MSI2: variants seen among roughly 807,000 people sequenced by gnomAD.
MSI2 encodes musashi RNA binding protein 2.
Under a neutral mutation model 45.6 loss-of-function variants are expected in MSI2, and 17 were observed. The observed-to-expected ratio is 0.37, with a 90% CI of 0.26 to 0.56. The LOEUF (loss-of-function observed/expected upper bound fraction) is 0.56, where lower values mean the gene tolerates loss of function less well. Ranked by LOEUF, MSI2 falls within the 20% of genes least tolerant of loss-of-function variation. MSI2 has a pLI of 0.77. For missense variants in MSI2, 293 were observed against 444.2 expected (o/e 0.66, Z 3.06); for synonymous variants, 156 against 158.2 (o/e 0.99, Z 0.11).
intron 5 of MSI2, among the ~76,000 whole-genome samples, chr17:57,385,423 G>T (rs1456121750): frequency 6.6e-6 from 1 of 152,108 alleles, no homozygotes; most frequent in Non-Finnish European, 1.5e-5. Context: ...CTTCTCTCTT[G>T]TCTTCCTGAA....
chr17:57,476,715 T>C lies in MSI2; in HGVS notation c.406-52961T>C, dbSNP rs1249847412. Among the ~76,000 whole-genome samples, 3 of 152,192 alleles carry C rather than the reference T, an allele frequency of 2.0e-5. No homozygotes were observed. In the East Asian group the frequency reaches 5.8e-4, roughly 29 times the overall value. ...TGGGCACCAAACTAAACACTTTGGA[T>C]ATATTACCTCATTTAACCCTTAAAA... On this transcript the variant is annotated intron_variant, in intron 6 of 13. Transcript: ENST00000284073.
chr17:57,647,253 A>ATC (rs1910730873), intron 10 of MSI2, among the ~76,000 whole-genome samples: 2 of 143,110 alleles, frequency 1.4e-5, no homozygotes, highest in East Asian at 4.1e-4. Flanking sequence ...ACATGGTGAA[A>ATC]TCTCGACTCT....
At chr17:57,361,471 G>T (rs1916807782) in intron 5 of MSI2, among the ~76,000 whole-genome samples, 1 of 151,892 alleles carries the variant, frequency 6.6e-6, no homozygotes, top group South Asian at 2.1e-4. Context: ...CCTGGGCATG[G>T]TGGCTCATGC....
chr17:57,411,679 G>T (rs2084199668), intron 6 of MSI2, among the ~76,000 whole-genome samples: 1 of 152,034 alleles, frequency 6.6e-6, no homozygotes, highest in Non-Finnish European at 1.5e-5. Context: ...ATCTTCTTTG[G>T]GGTGGCCCTG....
chr17:57,648,299 T>C (rs1367976860), intron 10 of MSI2, among the ~76,000 whole-genome samples: 1 of 152,186 alleles, frequency 6.6e-6, no homozygotes. Context: ...CCACCGCGCC[T>C]GGCCTAGCTC....
chr17:57,646,981 G>T (rs1223281546), intron 10 of MSI2, among the ~76,000 whole-genome samples: 1 of 152,068 alleles, frequency 6.6e-6, no homozygotes, highest in Non-Finnish European at 1.5e-5. Context: ...CATATGATAG[G>T]TATTAAGCCA....
chr17:57,424,263 C>T (rs979580404), intron 6 of MSI2, among the ~76,000 whole-genome samples: 4 of 152,234 alleles, frequency 2.6e-5, no homozygotes, highest in East Asian at 1.9e-4. Flanking sequence ...CTCTAATACT[C>T]CAAGGTATCC....
At chr17:57,656,655 G>C (rs1911613777) in intron 11 of MSI2, among the ~76,000 whole-genome samples, 1 of 152,308 alleles carries the variant, frequency 6.6e-6, no homozygotes. Flanking sequence ...GGTTAAGTAG[G>C]GTGAGAGTGG....
chr17:57,400,483 C>T (rs555424513), intron 5 of MSI2, among the ~76,000 whole-genome samples: 3 of 151,972 alleles, frequency 2.0e-5, no homozygotes, highest in Non-Finnish European at 4.4e-5. Flanking sequence ...TTTCTATGTG[C>T]CTGACGCTGT....
chr17:57,318,570 G>A (rs1302852487), intron 5 of MSI2, among the ~76,000 whole-genome samples: 2 of 151,866 alleles, frequency 1.3e-5, no homozygotes, highest in African/African-American at 4.8e-5. Flanking sequence ...CGTTGGTGCT[G>A]CTCATAAGAA....
At chr17:57,304,427 T>C (rs140659106) in intron 5 of MSI2, among the ~76,000 whole-genome samples, 2,041 of 150,526 alleles carry the variant, frequency 0.014, 26 homozygotes, top group Admixed American at 0.023. Context: ...AATTTTTTTT[T>C]TTTTTTTCCT....
chr17:57,498,301 T>C (rs2086021586), intron 6 of MSI2, among the ~76,000 whole-genome samples: 1 of 152,234 alleles, frequency 6.6e-6, no homozygotes, highest in African/African-American at 2.4e-5. Flanking sequence ...CCAGGAGTAA[T>C]TAAAAAATAC....
chr17:57,560,464 C>T lies in MSI2; in HGVS notation c.454+30740C>T, dbSNP rs561324475. On this transcript the variant is annotated intron_variant, in intron 7 of 13. Coordinates refer to ENST00000284073, the MANE Select transcript of MSI2 (RefSeq NM_138962.4). ...ATGGACATTTTCAAAACTCTTCTCT[C>T]TGCTACTTCCTCCCACCACCCCCAG... Among the ~76,000 whole-genome samples, 51 of 152,312 alleles carry T rather than the reference C, an allele frequency of 3.3e-4. 1 individual carries two copies. Among genetic ancestry groups the T allele is most frequent in the Middle Eastern group, 3.4e-3 (1 of 294 alleles).
intron 6 of MSI2, among the ~76,000 whole-genome samples, chr17:57,479,357 C>T (rs2085604458): frequency 6.6e-6 from 1 of 152,086 alleles, no homozygotes; most frequent in South Asian, 2.1e-4. Flanking sequence ...AGCATAGGTT[C>T]CTTCTTATGT....
chr17:57,439,761 A>G (rs184671041), intron 6 of MSI2, among the ~76,000 whole-genome samples: 7 of 152,246 alleles, frequency 4.6e-5, no homozygotes, highest in Admixed American at 4.6e-4. Flanking sequence ...AGCTCACAGC[A>G]TAGTAGAAGG....
chr17:57,626,144 CAG>C (rs1908777189), intron 9 of MSI2: 1 of 151,884 alleles, frequency 6.6e-6, no homozygotes, highest in African/African-American at 2.4e-5. Context: ...GGGAGAGGCT[CAG>C]GGGCTGGGCA....
chr17:57,487,892 C>T (rs1567853448), intron 6 of MSI2, among the ~76,000 whole-genome samples: 2 of 151,904 alleles, frequency 1.3e-5, no homozygotes, highest in East Asian at 3.9e-4. Flanking sequence ...CCTCTATTCT[C>T]ATAGTACTTG....
intron 11 of MSI2, among the ~76,000 whole-genome samples, chr17:57,660,004 C>T (rs1911876649): frequency 6.6e-6 from 1 of 152,168 alleles, no homozygotes; most frequent in Admixed American, 6.5e-5. Flanking sequence ...TCAGAAACCT[C>T]CCAACTCTGA....
chr17:57,319,376 T>C (rs1368439897), intron 5 of MSI2, among the ~76,000 whole-genome samples: 1 of 152,208 alleles, frequency 6.6e-6, no homozygotes, highest in Non-Finnish European at 1.5e-5. Context: ...AATGTCCAGA[T>C]TCCCCCTGGA....
Sources: gnomAD v4.1 joint callset for allele counts (sites outside exome capture counted in the v4.1 genomes callset) on GRCh38, gnomAD v4.1.1 for gene constraint, MANE v1.5 for transcripts, NCBI Gene and HGNC (gene_info 2026-07-23, HGNC 2026-07-21) for gene names.